TBC1D30: variants seen among roughly 807,000 people sequenced by gnomAD.
TBC1D30 encodes TBC1 domain family, member 30.
In TBC1D30, 31 loss-of-function variants were observed where a neutral mutation model predicts 63.2. That is an observed-to-expected ratio of 0.49 (90% confidence interval 0.37 to 0.66). The LOEUF (loss-of-function observed/expected upper bound fraction) is 0.66, where lower values mean the gene tolerates loss of function less well. TBC1D30 is among the 30% of genes least tolerant of loss of function. The pLI is 0.00. For missense variants in TBC1D30, 810 were observed against 953.6 expected, an observed-to-expected ratio of 0.85 and a Z score of 1.98; for synonymous variants, 307 against 361.5, an observed-to-expected ratio of 0.85 and a Z score of 1.71.
chr12:64,778,511 G>A (rs546535668), upstream of TBC1D30, among the ~76,000 whole-genome samples: 3 of 144,834 alleles, frequency 2.1e-5, no homozygotes, highest in African/African-American at 7.6e-5. Context: ...GAGCTGCAAT[G>A]TCAAATAGGG....
At chr12:64,784,341 T>C (rs1424669500) in intron 1 of TBC1D30, among the ~76,000 whole-genome samples, 2 of 152,074 alleles carry the variant, frequency 1.3e-5, no homozygotes, top group Non-Finnish European at 2.9e-5. Context: ...CAGGGCCAAA[T>C]GCATTTTCCA....
chr12:64,779,183 C>A (rs928691399), upstream of TBC1D30: 1 of 152,026 alleles, frequency 6.6e-6, no homozygotes, highest in Non-Finnish European at 1.5e-5. Flanking sequence ...ATAAAAAGGG[C>A]TGGGAAGCCA....
At chr12:64,778,010 C>A (rs1024148812), upstream of TBC1D30, among the ~76,000 whole-genome samples, 1 of 152,162 alleles carries the variant, frequency 6.6e-6, no homozygotes, top group Admixed American at 6.5e-5. Context: ...GATCCACCTG[C>A]CTTGGCCTCC....
intron 2 of TBC1D30, among the ~76,000 whole-genome samples, chr12:64,793,133 G>C (rs1232556423): frequency 1.3e-5 from 2 of 151,868 alleles, no homozygotes; most frequent in African/African-American, 4.8e-5. Flanking sequence ...TTGAGCTTGC[G>C]AGTGGGAGAC....
chr12:64,857,792 A>G (rs1877435704), intron 8 of TBC1D30, among the ~76,000 whole-genome samples: 1 of 152,230 alleles, frequency 6.6e-6, no homozygotes, highest in South Asian at 2.1e-4. Flanking sequence ...GCGATTCCCC[A>G]CTGGCTAGGT....
chr12:64,854,957 C>T (rs1877176396), intron 8 of TBC1D30, among the ~76,000 whole-genome samples: 1 of 152,204 alleles, frequency 6.6e-6, no homozygotes, highest in African/African-American at 2.4e-5. Flanking sequence ...GATTGAAGAA[C>T]TCTCTTTAGC....
Position 64,878,657 on chromosome 12 carries a change from A to G in TBC1D30, c.*2869A>G, listed in dbSNP as rs17100767. ...AACTGTTCTGCCATTTTCTGAGTGC[A>G]AGCATGGAACACTGTTGTGACAGTC... On this transcript the variant is annotated 3_prime_UTR_variant, in exon 12 of 12. Transcript: ENST00000539867. 2,630 of 421,426 alleles carry G rather than the reference A, an allele frequency of 6.2e-3. 13 individuals are homozygous for G. Among genetic ancestry groups the G allele is most frequent in the Non-Finnish European group, 8.5e-3 (1,760 of 208,174 alleles). The allele number at this position is 421,426 out of a possible 1,614,324, so 26.1% of individuals were successfully genotyped here.
At chr12:64,832,020 CGAT>C (rs1874908445) in intron 4 of TBC1D30, 96 bp from the exon 5 acceptor site, 2 of 1,176,514 alleles carry the variant, frequency 1.7e-6, no homozygotes, top group Non-Finnish European at 2.2e-6. Context: ...AATTTTATGT[CGAT>C]GATTTGACTC....
intron 2 of TBC1D30, among the ~76,000 whole-genome samples, chr12:64,818,302 C>T (rs1873675595): frequency 6.6e-6 from 1 of 152,172 alleles, no homozygotes; most frequent in Admixed American, 6.5e-5. Context: ...AAATGGAGCT[C>T]TGGGAAAACA....
chr12:64,769,341 G>T (rs992385618), intron 1 of TBC1D30, among the ~76,000 whole-genome samples: 1 of 151,794 alleles, frequency 6.6e-6, no homozygotes, highest in Non-Finnish European at 1.5e-5. Flanking sequence ...GAGTAGCTGG[G>T]ATTACAGGCG....
At chr12:64,821,374 CCTCCT>C (rs1026883737), upstream of TBC1D30, among the ~76,000 whole-genome samples, 43 of 152,306 alleles carry the variant, frequency 2.8e-4, no homozygotes, top group African/African-American at 9.4e-4. Flanking sequence ...GGCAGGACGT[CCTCCT>C]CTCCACTCCA....
chr12:64,781,154 G>C, exon 1 of TBC1D30: 1 of 1,019,762 alleles, frequency 9.8e-7, no homozygotes. Flanking sequence ...CGACAGCCTC[G>C]ACAGCTCCAC....
At chr12:64,845,692 C>T (rs1876308640) in intron 8 of TBC1D30, among the ~76,000 whole-genome samples, 1 of 147,148 alleles carries the variant, frequency 6.8e-6, no homozygotes, top group South Asian at 2.2e-4. Flanking sequence ...TGCCACTGTA[C>T]TCCAGCCTGG....
chr12:64,768,439 A>T (rs1012344455), intron 1 of TBC1D30: 10 of 152,224 alleles, frequency 6.6e-5, no homozygotes, highest in Non-Finnish European at 8.8e-5. Flanking sequence ...GGGCTCAAGC[A>T]ATCCTCCTGC....
At chr12:64,850,034 A>G (rs563419723) in intron 8 of TBC1D30, among the ~76,000 whole-genome samples, 7 of 152,296 alleles carry the variant, frequency 4.6e-5, no homozygotes, top group South Asian at 2.1e-4. Flanking sequence ...CTTTGTAGCA[A>G]TTGTGAATGG....
At chr12:64,832,444 C>G in intron 5 of TBC1D30, 140 bp downstream of exon 5, 1 of 834,712 alleles carries the variant, frequency 1.2e-6, no homozygotes, top group African/African-American at 1.7e-5. Context: ...AGCATTTCCT[C>G]CAGGTTAGAG....
chr12:64,826,947 T>TA (rs2136359097), intron 1 of TBC1D30, among the ~76,000 whole-genome samples: 1 of 152,310 alleles, frequency 6.6e-6, no homozygotes, highest in Non-Finnish European at 1.5e-5. Context: ...CTTGATTACT[T>TA]ACTATTATTT....
At chr12:64,821,152 A>G (rs1032545585), upstream of TBC1D30, among the ~76,000 whole-genome samples, 55 of 152,234 alleles carry the variant, frequency 3.6e-4, no homozygotes, top group Admixed American at 2.0e-4. Flanking sequence ...TCTAGATGTC[A>G]GCTTTGGCAG....
rs924616530 is a variant in TBC1D30 at position 64,881,024 on chromosome 12, A to C, written c.*5236A>C. Reference sequence around the variant, plus strand: ...TAAAACATGAAACAAAGCAAAAAATAAAAAAAAACCTCCTTAGTAATTGTT... The same window carrying C: ...TAAAACATGAAACAAAGCAAAAAATCAAAAAAAACCTCCTTAGTAATTGTT... On this transcript the variant is annotated 3_prime_UTR_variant, in exon 12 of 12. Coordinates refer to ENST00000539867, the MANE Select transcript of TBC1D30 (RefSeq NM_015279.2). 69 of 150,974 alleles carry C rather than the reference A, an allele frequency of 4.6e-4. No individual in the cohort carries two copies. The highest frequency in any genetic ancestry group is 1.6e-3 in the African/African-American group (67 of 40,940). The allele number at this position is 150,974 out of a possible 1,614,324, so 9.4% of individuals were successfully genotyped here. A position where few individuals can be genotyped will look rare whatever the true frequency, so the allele number is the denominator to read the frequency against.
Sources: gnomAD v4.1 joint callset for allele counts (sites outside exome capture counted in the v4.1 genomes callset) on GRCh38, gnomAD v4.1.1 for gene constraint, MANE v1.5 for transcripts, NCBI Gene and HGNC (gene_info 2026-07-23, HGNC 2026-07-21) for gene names.